The following GALNTL6 variants were observed in gnomAD, a reference collection of about 807,000 sequenced individuals.
GALNTL6 encodes the protein polypeptide N-acetylgalactosaminyltransferase like 6.
GALNTL6 carries 46 observed loss-of-function variants against 73.7 expected under a neutral mutation model. The ratio of observed to expected loss-of-function variants is 0.62; its 90% CI spans 0.49 to 0.80. GALNTL6 has a LOEUF of 0.80. GALNTL6 is among the 30% of genes least tolerant of loss of function. GALNTL6 has a pLI of 0.00. For synonymous variants in GALNTL6, 259 were observed against 263.7 expected, an observed-to-expected ratio of 0.98 and a Z score of 0.17; for missense variants, 604 against 755.0, an observed-to-expected ratio of 0.80 and a Z score of 2.34.
intron 2 of GALNTL6, among the ~76,000 whole-genome samples, chr4:171,954,910 C>T (rs1315906130): frequency 2.6e-5 from 4 of 152,158 alleles, no homozygotes; most frequent in Non-Finnish European, 5.9e-5. Context: ...TTCCCTTTTG[C>T]CTTCTACTAT....
chr4:173,033,591 CA>C (rs1753560792), intron 12 of GALNTL6, among the ~76,000 whole-genome samples: 1 of 152,100 alleles, frequency 6.6e-6, no homozygotes, highest in African/African-American at 2.4e-5. Flanking sequence ...GGTGGGAAAG[CA>C]GATCTTTTAA....
chr4:172,830,135 A>C (rs1235759763), intron 7 of GALNTL6, among the ~76,000 whole-genome samples: 2 of 152,252 alleles, frequency 1.3e-5, no homozygotes, highest in Non-Finnish European at 2.9e-5. Flanking sequence ...AGATGAATGC[A>C]CATAGTAAAA....
intron 2 of GALNTL6, among the ~76,000 whole-genome samples, chr4:172,065,380 G>C (rs904874889): frequency 1.3e-5 from 2 of 152,058 alleles, no homozygotes; most frequent in South Asian, 4.1e-4. Context: ...ACTGTGCTGC[G>C]CATTTCCTAA....
chr4:172,433,818 A>G (rs1465178680), intron 5 of GALNTL6, among the ~76,000 whole-genome samples: 2 of 152,096 alleles, frequency 1.3e-5, no homozygotes, highest in Non-Finnish European at 2.9e-5. Context: ...CAGGAATATA[A>G]TTGATTTGTG....
intron 5 of GALNTL6, among the ~76,000 whole-genome samples, chr4:172,525,698 C>CA (rs976978249): frequency 6.6e-6 from 1 of 151,906 alleles, no homozygotes; most frequent in African/African-American, 2.4e-5. Flanking sequence ...CCTCATTATA[C>CA]AAAAAATCAA....
chr4:172,568,157 A>C (rs575324352), intron 5 of GALNTL6, among the ~76,000 whole-genome samples: 216 of 152,318 alleles, frequency 1.4e-3, no homozygotes, highest in African/African-American at 4.8e-3. Context: ...AATTCTGTAC[A>C]AACCAAAAAT....
chr4:172,617,516 G>A (rs975114881), intron 5 of GALNTL6, among the ~76,000 whole-genome samples: 16 of 151,184 alleles, frequency 1.1e-4, no homozygotes, highest in Admixed American at 6.6e-4. Context: ...TCGCTCTGTC[G>A]CCCAGGCTGG....
chr4:172,301,751 G>A (rs935998683), intron 3 of GALNTL6, among the ~76,000 whole-genome samples: 9 of 152,086 alleles, frequency 5.9e-5, no homozygotes, highest in Admixed American at 4.6e-4. Context: ...AGGAGTATCC[G>A]GCCATGTGAG....
At chr4:171,875,478 C>T (rs1412932363) in intron 2 of GALNTL6, among the ~76,000 whole-genome samples, 1 of 152,108 alleles carries the variant, frequency 6.6e-6, no homozygotes, top group Non-Finnish European at 1.5e-5. Flanking sequence ...CTTCCCCTTA[C>T]TGTCAGTTGA....
rs148066130 is a variant in GALNTL6 at position 171,849,716 on chromosome 4, A to T, written c.138+34998A>T. The stretch of plus-strand genomic sequence containing the variant: ...TACAAGATATAGGAATTTGGAAAAG[A>T]TACTTTTATTTTTTCTCGTAAAGGA... On this transcript the variant is annotated intron_variant, in intron 2 of 12. Transcript: ENST00000506823. 5.1e-4 allele frequency among the ~76,000 whole-genome samples: 78 copies of T among 152,288 alleles called. 2 individuals carry two copies. Among genetic ancestry groups the T allele is most frequent in the African/African-American group, 1.9e-3 (77 of 41,570 alleles).
intron 2 of GALNTL6, among the ~76,000 whole-genome samples, chr4:172,111,381 T>C (rs1732847270): frequency 6.6e-6 from 1 of 152,076 alleles, no homozygotes; most frequent in African/African-American, 2.4e-5. Context: ...AATCAGAATA[T>C]TGTTTTCTTT....
At chr4:172,398,972 A>C (rs1259698615) in intron 5 of GALNTL6, among the ~76,000 whole-genome samples, 1 of 151,880 alleles carries the variant, frequency 6.6e-6, no homozygotes, top group African/African-American at 2.4e-5. Flanking sequence ...AAATTAACAC[A>C]AAAAAAATCA....
At chr4:172,283,008 C>G (rs1196154849) in intron 3 of GALNTL6, among the ~76,000 whole-genome samples, 1 of 152,146 alleles carries the variant, frequency 6.6e-6, no homozygotes, top group African/African-American at 2.4e-5. Flanking sequence ...TCTCTTTGCT[C>G]TACATTTCTT....
rs138794806 is a variant in GALNTL6, at chr4:171,915,595, C to T, written c.138+100877C>T. Among the ~76,000 whole-genome samples, 232 of 152,270 alleles carry T rather than the reference C, an allele frequency of 1.5e-3. 1 individual carries two copies. The highest frequency in any genetic ancestry group is 0.01 in the Admixed American group (153 of 15,294). On this transcript the variant is annotated intron_variant, in intron 2 of 12. Transcript: ENST00000506823. Reference sequence around the variant, plus strand: ...GCAAATAACATTTTTCATTACACTGCTTTCCCAAATGTATTATTTTAGTAT... The same window carrying T: ...GCAAATAACATTTTTCATTACACTGTTTTCCCAAATGTATTATTTTAGTAT...
At chr4:171,850,869 C>T (rs1313712718) in intron 2 of GALNTL6, among the ~76,000 whole-genome samples, 1 of 152,152 alleles carries the variant, frequency 6.6e-6, no homozygotes, top group African/African-American at 2.4e-5. Context: ...GTTTACACTA[C>T]TGAATGCTAC....
chr4:173,020,350 G>T (rs1484253581), intron 11 of GALNTL6, among the ~76,000 whole-genome samples: 2 of 152,156 alleles, frequency 1.3e-5, no homozygotes, highest in African/African-American at 4.8e-5. Flanking sequence ...GATAGAATGG[G>T]ATAATATAAT....
chr4:173,038,408 C>T (rs1035481569), intron 12 of GALNTL6, among the ~76,000 whole-genome samples: 2 of 152,178 alleles, frequency 1.3e-5, no homozygotes. Context: ...CTGCATTCTC[C>T]TTCCTCCTGG....
chr4:172,553,181 A>G (rs1356908773), intron 5 of GALNTL6, among the ~76,000 whole-genome samples: 1 of 152,184 alleles, frequency 6.6e-6, no homozygotes, highest in East Asian at 1.9e-4. Flanking sequence ...GTTGAATATG[A>G]TTCAAACCCA....
At chr4:172,656,550 A>T (rs1055468889) in intron 5 of GALNTL6, among the ~76,000 whole-genome samples, 1 of 152,144 alleles carries the variant, frequency 6.6e-6, no homozygotes, top group Non-Finnish European at 1.5e-5. Context: ...CAGCCTTCCA[A>T]TCTCCTAAGC....
Sources: allele counts gnomAD v4.1 joint callset (sites outside exome capture counted in the v4.1 genomes callset), GRCh38; gene constraint gnomAD v4.1.1; transcripts MANE v1.5; gene names NCBI Gene and HGNC (gene_info 2026-07-23, HGNC 2026-07-21).